DNAJC1: variants seen among roughly 807,000 people sequenced by gnomAD.
DNAJC1 encodes dnaJ homolog subfamily C member 1.
In DNAJC1, 58 loss-of-function variants were observed where a neutral mutation model predicts 76.6. The observed-to-expected ratio is 0.76, with a 90% CI of 0.61 to 0.94. The LOEUF (loss-of-function observed/expected upper bound fraction) is 0.94, where lower values mean the gene tolerates loss of function less well. Among genes scored for constraint, DNAJC1 ranks in the 40% least tolerant of loss-of-function variants. DNAJC1 has a pLI of 0.00. For missense variants in DNAJC1, 689 were observed against 677.3 expected, an observed-to-expected ratio of 1.02 and a Z score of -0.19; for synonymous variants, 258 against 267.9, an observed-to-expected ratio of 0.96 and a Z score of 0.36.
At chr10:21,945,850 G>T (rs1261596923) in intron 1 of DNAJC1, among the ~76,000 whole-genome samples, 1 of 152,036 alleles carries the variant, frequency 6.6e-6, no homozygotes, top group African/African-American at 2.4e-5. Context: ...GTACAATTTT[G>T]CCCAGCTGTT....
intron 8 of DNAJC1, among the ~76,000 whole-genome samples, chr10:21,843,700 G>A (rs1297753902): frequency 6.6e-6 from 1 of 151,172 alleles, no homozygotes; most frequent in African/African-American, 2.4e-5. Flanking sequence ...CCTACTTAGA[G>A]ATTTTCTTAA....
chr10:21,786,723 G>A (rs1179908792), intron 9 of DNAJC1, among the ~76,000 whole-genome samples: 2 of 151,882 alleles, frequency 1.3e-5, no homozygotes, highest in Non-Finnish European at 2.9e-5. Flanking sequence ...GATCCACCTC[G>A]GCCTCCCAAA....
chr10:21,989,508 T>C (rs906868104), intron 1 of DNAJC1, among the ~76,000 whole-genome samples: 7 of 152,140 alleles, frequency 4.6e-5, no homozygotes, highest in Admixed American at 3.9e-4. Flanking sequence ...CTGACTCCCA[T>C]AGAGTGATGA....
At chr10:21,790,512 A>C (rs1172865500) in intron 9 of DNAJC1, among the ~76,000 whole-genome samples, 1 of 15,578 alleles carries the variant, frequency 6.4e-5, no homozygotes. Context: ...ATAAATTGCC[A>C]AAAAAAAAAA....
At chr10:21,928,964 AT>A in intron 2 of DNAJC1, 75 bp downstream of exon 2, 1 of 893,190 alleles carries the variant, frequency 1.1e-6, no homozygotes, top group African/African-American at 1.7e-5. Context: ...TATTCCATAT[AT>A]AAGTGAATAT....
At chr10:21,974,538 C>T (rs1333705258) in intron 1 of DNAJC1, among the ~76,000 whole-genome samples, 1 of 152,162 alleles carries the variant, frequency 6.6e-6, no homozygotes, top group Non-Finnish European at 1.5e-5. Context: ...GTAGGAAATA[C>T]ATTTTATATC....
At chr10:22,000,326 G>A (rs1838498505) in intron 1 of DNAJC1, among the ~76,000 whole-genome samples, 1 of 152,134 alleles carries the variant, frequency 6.6e-6, no homozygotes. Context: ...TGAAATTCAA[G>A]TCAAATCATG....
chr10:21,779,250 G>T (rs1015687019), intron 9 of DNAJC1, among the ~76,000 whole-genome samples: 1 of 152,282 alleles, frequency 6.6e-6, no homozygotes, highest in Non-Finnish European at 1.5e-5. Flanking sequence ...GAGAGTAGTG[G>T]TTCTCCCAGA....
rs1344899649 is a variant in DNAJC1 at position 21,759,785 on chromosome 10, C to T, written c.1148-167G>A. On this transcript the variant is annotated intron_variant, in intron 10 of 11. Coordinates refer to ENST00000376980, the MANE Select transcript of DNAJC1 (RefSeq NM_022365.4). ...TTCTAGAAAGATAGGGATCATTACC[C>T]TAATGTTACAGATGAGAAAAAGAAG... Among the ~76,000 whole-genome samples, 3 of 152,162 alleles carry T rather than the reference C, an allele frequency of 2.0e-5. No individual in the cohort carries two copies. The South Asian group carries it at 6.2e-4, about 32-fold the overall frequency.
intron 6 of DNAJC1, among the ~76,000 whole-genome samples, chr10:21,907,175 C>G (rs1446106166): frequency 6.6e-6 from 1 of 152,174 alleles, no homozygotes; most frequent in Non-Finnish European, 1.5e-5. Context: ...CCTCACTTAT[C>G]TGAGGACTGC....
chr10:21,870,185 A>G (rs1299886257), intron 8 of DNAJC1, among the ~76,000 whole-genome samples: 1 of 152,108 alleles, frequency 6.6e-6, no homozygotes, highest in East Asian at 1.9e-4. Context: ...AACAAAACAA[A>G]GGTGAAAAAT....
intron 9 of DNAJC1, among the ~76,000 whole-genome samples, chr10:21,770,319 T>C (rs1834357421): frequency 6.6e-6 from 1 of 152,158 alleles, no homozygotes; most frequent in African/African-American, 2.4e-5. Context: ...GAGGAATATC[T>C]ATTCATATCC....
intron 7 of DNAJC1, among the ~76,000 whole-genome samples, chr10:21,894,861 C>A (rs1175148034): frequency 1.3e-5 from 2 of 152,134 alleles, no homozygotes; most frequent in Non-Finnish European, 2.9e-5. Context: ...GCCATGTGAG[C>A]ACACAGCATT....
chr10:21,975,739 C>T (rs1438659541), intron 1 of DNAJC1, among the ~76,000 whole-genome samples: 2 of 152,174 alleles, frequency 1.3e-5, no homozygotes, highest in Non-Finnish European at 2.9e-5. Flanking sequence ...CTGCAAATTC[C>T]ATGAAGCACA....
At chr10:21,906,740 G>C (rs2131747252) in intron 6 of DNAJC1, among the ~76,000 whole-genome samples, 1 of 151,954 alleles carries the variant, frequency 6.6e-6, no homozygotes, top group South Asian at 2.1e-4. Context: ...CTTCTCTGTG[G>C]GTCCATTTTC....
chr10:21,923,893 T>G (rs1034580651), intron 3 of DNAJC1, among the ~76,000 whole-genome samples: 6 of 152,012 alleles, frequency 3.9e-5, no homozygotes, highest in African/African-American at 1.4e-4. Flanking sequence ...CGTTACAATT[T>G]TTTGAAATAT....
intron 9 of DNAJC1, among the ~76,000 whole-genome samples, chr10:21,799,171 C>T (rs972407298): frequency 2.6e-5 from 4 of 152,184 alleles, no homozygotes; most frequent in Non-Finnish European, 5.9e-5. Context: ...AAATATTATT[C>T]ACCACTGAAA....
chr10:21,930,090 C>T (rs1203486375), intron 1 of DNAJC1, among the ~76,000 whole-genome samples: 2 of 152,170 alleles, frequency 1.3e-5, no homozygotes, highest in East Asian at 3.9e-4. Context: ...ATTCTTGTGC[C>T]TCAGCCTCCA....
At chr10:21,947,503 A>G (rs148438607) in intron 1 of DNAJC1, among the ~76,000 whole-genome samples, 219 of 152,334 alleles carry the variant, frequency 1.4e-3, no homozygotes, top group African/African-American at 5.1e-3. Context: ...AATAGTAAGT[A>G]TATTTTCTCT....
Sources: allele counts gnomAD v4.1 joint callset (sites outside exome capture counted in the v4.1 genomes callset), GRCh38; gene constraint gnomAD v4.1.1; transcripts MANE v1.5; gene names NCBI Gene and HGNC (gene_info 2026-07-23, HGNC 2026-07-21).